The following IL7 variants were observed in gnomAD, a reference collection of about 807,000 sequenced individuals.
The protein encoded by IL7 is interleukin-7.
A neutral mutation model predicts 21.6 loss-of-function variants in IL7; 3 were observed. The observed-to-expected ratio is 0.14, with a 90% CI of 0.06 to 0.36. IL7 has a LOEUF of 0.36. IL7 is among the 10% of genes least tolerant of loss of function. The pLI, the probability that IL7 is intolerant of heterozygous loss-of-function variation, is 1.00. For missense variants in IL7, 175 were observed against 200.2 expected (o/e 0.87, Z 0.76); for synonymous variants, 62 against 68.1 (o/e 0.91, Z 0.44).
At chr8:78,744,045 GC>G (rs925044415) in intron 2 of IL7, among the ~76,000 whole-genome samples, 22 of 152,270 alleles carry the variant, frequency 1.4e-4, no homozygotes, top group African/African-American at 5.1e-4. Flanking sequence ...GGGAGGTCTT[GC>G]CCAGTCAGGA....
chr8:78,791,379 C>A (rs891127692), intron 2 of IL7, among the ~76,000 whole-genome samples: 36 of 152,166 alleles, frequency 2.4e-4, no homozygotes, highest in African/African-American at 7.7e-4. Context: ...GTGACTCATG[C>A]CTGTAATCCC....
intron 4 of IL7, among the ~76,000 whole-genome samples, chr8:78,681,266 A>C (rs2130457809): frequency 6.6e-6 from 1 of 152,272 alleles, no homozygotes; most frequent in East Asian, 1.9e-4. Context: ...TCTATGCTGA[A>C]TAGTAGAAAT....
chr8:78,750,753 G>A (rs1432215971), intron 2 of IL7, among the ~76,000 whole-genome samples: 1 of 152,216 alleles, frequency 6.6e-6, no homozygotes. Context: ...GAACCTGAGA[G>A]GTGGAGGTTT....
At chr8:78,680,533 A>G (rs187796713) in intron 4 of IL7, among the ~76,000 whole-genome samples, 1 of 152,330 alleles carries the variant, frequency 6.6e-6, no homozygotes, top group Admixed American at 6.5e-5. Context: ...AGAAGATTTG[A>G]ATGTTGTAAG....
chr8:78,726,981 G>A (rs182645129), intron 3 of IL7, among the ~76,000 whole-genome samples: 2 of 152,032 alleles, frequency 1.3e-5, no homozygotes, highest in East Asian at 3.9e-4. Flanking sequence ...GATCCTTTCA[G>A]TTACCTTGAG....
At chr8:78,759,598 A>G (rs1812478321) in intron 2 of IL7, among the ~76,000 whole-genome samples, 1 of 152,156 alleles carries the variant, frequency 6.6e-6, no homozygotes, top group Non-Finnish European at 1.5e-5. Context: ...AAACTTTGTC[A>G]TTTGTTTCTT....
At chr8:78,716,274 C>T (rs1407076171), downstream of IL7, among the ~76,000 whole-genome samples, 3 of 151,506 alleles carry the variant, frequency 2.0e-5, no homozygotes, top group East Asian at 6.0e-4. Context: ...AGGCGCCCGC[C>T]ACCACGCCTG....
At chr8:78,732,643 A>G (rs1811448304), downstream of IL7, 1 of 152,176 alleles carries the variant, frequency 6.6e-6, no homozygotes, top group African/African-American at 2.4e-5. Context: ...GTAATGTCTC[A>G]TATTCATTGT....
At chr8:78,790,107 T>A (rs888870941) in intron 2 of IL7, among the ~76,000 whole-genome samples, 2 of 152,166 alleles carry the variant, frequency 1.3e-5, no homozygotes, top group Non-Finnish European at 2.9e-5. Flanking sequence ...TTGGAAGTTG[T>A]GAAAGTATAT....
chr8:78,703,556 T>A (rs1200502756), intron 3 of IL7, among the ~76,000 whole-genome samples: 1 of 146,744 alleles, frequency 6.8e-6, no homozygotes, highest in East Asian at 2.0e-4. Flanking sequence ...TTTTTTTAAA[T>A]CTTTGTTGGT....
chr8:78,675,241 A>C (rs148784341), downstream of IL7, among the ~76,000 whole-genome samples: 3 of 151,810 alleles, frequency 2.0e-5, no homozygotes, highest in African/African-American at 7.2e-5. Flanking sequence ...TATAAGTATT[A>C]TATGTATAAA....
intron 2 of IL7, among the ~76,000 whole-genome samples, chr8:78,787,043 CT>C (rs1213510510): frequency 1.3e-5 from 2 of 152,186 alleles, no homozygotes; most frequent in African/African-American, 4.8e-5. Flanking sequence ...GGCAAGAAAG[CT>C]CCAGACCTGT....
At chr8:78,790,029 G>C (rs763236183) in intron 2 of IL7, among the ~76,000 whole-genome samples, 2 of 152,124 alleles carry the variant, frequency 1.3e-5, no homozygotes, top group Non-Finnish European at 2.9e-5. Context: ...GGCTATATGA[G>C]AGCTGTCAGT....
intron 3 of IL7, among the ~76,000 whole-genome samples, chr8:78,696,151 C>G (rs1412399737): frequency 6.6e-6 from 1 of 152,156 alleles, no homozygotes; most frequent in East Asian, 1.9e-4. Flanking sequence ...TCTCCTGCCT[C>G]AGCCTCCTGA....
chr8:78,773,553 G>C (rs182942084), intron 2 of IL7, among the ~76,000 whole-genome samples: 255 of 152,222 alleles, frequency 1.7e-3, no homozygotes, highest in African/African-American at 5.4e-3. Flanking sequence ...AATCCAATTT[G>C]GTTGTGGTGC....
At chr8:78,776,467 G>A (rs977191414) in intron 2 of IL7, among the ~76,000 whole-genome samples, 1 of 152,104 alleles carries the variant, frequency 6.6e-6, no homozygotes, top group African/African-American at 2.4e-5. Context: ...AAGCTGAAAT[G>A]TTGGATAAGA....
chr8:78,746,495 CTT>C (rs982646602), intron 2 of IL7, among the ~76,000 whole-genome samples: 1 of 152,202 alleles, frequency 6.6e-6, no homozygotes, highest in African/African-American at 2.4e-5. Flanking sequence ...GAAGCCATGT[CTT>C]TTATTACATG....
intron 2 of IL7, among the ~76,000 whole-genome samples, chr8:78,777,263 GTA>G (rs2130800258): frequency 6.6e-6 from 1 of 152,156 alleles, no homozygotes; most frequent in African/African-American, 2.4e-5. Flanking sequence ...AGGCCTGGGA[GTA>G]TTAGACGCAT....
downstream of IL7, chr8:78,717,574 T>C: frequency 7.0e-7 from 1 of 1,420,122 alleles, no homozygotes; most frequent in Non-Finnish European, 9.4e-7. Context: ...CATCCTCTAG[T>C]TAGTTTGTGC....
Sources: gnomAD v4.1 joint callset for allele counts (sites outside exome capture counted in the v4.1 genomes callset) on GRCh38, gnomAD v4.1.1 for gene constraint, MANE v1.5 for transcripts, NCBI Gene and HGNC (gene_info 2026-07-23, HGNC 2026-07-21) for gene names.